Variants in GCNT2 observed in about 807,000 individuals in gnomAD.
GCNT2 encodes N-acetyllactosaminide beta-1,6-N-acetylglucosaminyl-transferase.
A neutral mutation model predicts 34.2 loss-of-function variants in GCNT2; 34 were observed. The observed-to-expected ratio is 1.00, with a 90% CI of 0.76 to 1.32. The LOEUF (loss-of-function observed/expected upper bound fraction) is 1.32. GCNT2 is among the 40% of genes most tolerant of loss of function. The pLI is 0.00. For synonymous variants in GCNT2, 212 were observed against 188.0 expected (o/e 1.13, Z -1.04); for missense variants, 584 against 489.4 (o/e 1.19, Z -1.82).
intron 3 of GCNT2, among the ~76,000 whole-genome samples, chr6:10,546,398 A>C (rs150831896): frequency 0.028 from 4,213 of 152,164 alleles, 92 homozygotes; most frequent in African/African-American, 0.061. Flanking sequence ...GTGGCTGATG[A>C]CTGTAATCCC....
chr6:10,593,456 G>C lies in GCNT2; in HGVS notation c.926-27895G>C, dbSNP rs11752537. ...GGGCTCAAGTAATCCTCCTGCCTCA[G>C]GCTGCCAAGTAGCAAGGACTACAGG... On this transcript the variant is annotated intron_variant, in intron 3 of 4. Coordinates refer to ENST00000495262, the MANE Select transcript of GCNT2 (RefSeq NM_145649.5). Among the ~76,000 whole-genome samples the C allele has an allele frequency of 4.3e-4, 65 of 152,238 alleles. 2 individuals carry two copies. In the South Asian group the frequency reaches 0.013, roughly 30 times the overall value.
intron 3 of GCNT2, among the ~76,000 whole-genome samples, chr6:10,596,373 T>G (rs6456563): frequency 0.59 from 89,337 of 151,476 alleles, 27,247 homozygotes; most frequent in African/African-American, 0.75. Flanking sequence ...ATACAAAAAG[T>G]AGCCAGGCGT....
Position 10,563,770 on chromosome 6 carries a change from AAAAAAAAATATATAT to A in GCNT2, c.925+33936_925+33950del, listed in dbSNP as rs1225623856. ...AAAAGAAAAAAGAAAAAAAAAAAAA[AAAAAAAAATATATAT>A]ATATATATATATATATATATATATG... On this transcript the variant is annotated intron_variant, in intron 3 of 4. Transcript: ENST00000495262. 2.7e-3 allele frequency among the ~76,000 whole-genome samples: 206 copies of A among 75,314 alleles called. 1 individual carries two copies. Among genetic ancestry groups the A allele is most frequent in the African/African-American group, 0.011 (185 of 16,514 alleles). The allele number at this position is 75,314 out of a possible 152,430, so 49.4% of individuals were successfully genotyped here.
intron 3 of GCNT2, among the ~76,000 whole-genome samples, chr6:10,546,573 T>C (rs587645): frequency 0.42 from 64,530 of 151,934 alleles, 15,076 homozygotes; most frequent in African/African-American, 0.64. Flanking sequence ...GCAGGATAAT[T>C]GCTTGAACCC....
chr6:10,529,981 A>C (rs1761405906), intron 3 of GCNT2, 145 bp downstream of exon 3: 4 of 686,270 alleles, frequency 5.8e-6, no homozygotes, highest in Non-Finnish European at 1.0e-5. Flanking sequence ...TCATCTGTAA[A>C]ATGGTAAAAT....
At chr6:10,528,603 C>T (rs1373616462) in intron 2 of GCNT2, 28 bp from the exon 3 acceptor site, 30 of 424,360 alleles carry the variant, frequency 7.1e-5, no homozygotes, top group East Asian at 1.0e-4. Context: ...GAATCAGAAC[C>T]TCTCTGAGGA....
chr6:10,529,234 G>A lies in GCNT2; in HGVS notation c.323G>A (p.Gly108Asp). 2 of 1,614,150 alleles carry A rather than the reference G, an allele frequency of 1.2e-6. No homozygotes were observed. The highest frequency in any genetic ancestry group is 1.7e-6 in the Non-Finnish European group (2 of 1,180,010). The stretch of plus-strand genomic sequence containing the variant: ...ACAGTGACCATCCACAAAGACTTCG[G>A]CACTTTTGAGAGGCTCTTCAGGGCG... ...AYTVTIHKDF[G>D]TFERLFRAIY... Residue 108 changes from glycine (G) to aspartate (D), a missense_variant, in exon 3 of 5, where the codon GGC becomes GAC. Coordinates refer to ENST00000495262, the MANE Select transcript of GCNT2 (RefSeq NM_145649.5).
intron 3 of GCNT2, among the ~76,000 whole-genome samples, chr6:10,533,463 A>C (rs1016579137): frequency 8.6e-5 from 13 of 151,872 alleles, no homozygotes; most frequent in Middle Eastern, 3.4e-3. Context: ...CATTAAAAGA[A>C]GTAAAAAGAA....
Position 10,556,582 on chromosome 6 carries a change from T to C in GCNT2, c.925+26746T>C, listed in dbSNP as rs761848534. Reference sequence around the variant, plus strand: ...CTCAAGTTTGCACATCTTTTATCAATGGAAAAACACGTTTCCTGTGGAAAA... The same window carrying C: ...CTCAAGTTTGCACATCTTTTATCAACGGAAAAACACGTTTCCTGTGGAAAA... On this transcript the variant is annotated intron_variant, in intron 3 of 4. Transcript: ENST00000495262. 5 of 1,614,056 alleles carry C rather than the reference T, an allele frequency of 3.1e-6. No individual in the cohort carries two copies. In the East Asian group the frequency reaches 6.7e-5, roughly 22 times the overall value.
intron 3 of GCNT2, among the ~76,000 whole-genome samples, chr6:10,607,445 C>T (rs1285017778): frequency 1.3e-5 from 2 of 152,128 alleles, no homozygotes. Flanking sequence ...GCTAGGAGGA[C>T]GGTGCTAAAC....
chr6:10,569,824 T>TCTTCCTTCCTTC (rs70991027), intron 3 of GCNT2, among the ~76,000 whole-genome samples: 24 of 149,176 alleles, frequency 1.6e-4, no homozygotes, highest in African/African-American at 4.0e-4. Context: ...CATATGGATT[T>TCTTCCTTCCTTC]CTTCCTTCCT....
intron 3 of GCNT2, among the ~76,000 whole-genome samples, chr6:10,541,203 T>G (rs1381967146): frequency 1.3e-5 from 2 of 152,144 alleles, no homozygotes; most frequent in Non-Finnish European, 2.9e-5. Context: ...TATGTGTTGT[T>G]CCCTTGCATG....
chr6:10,603,887 G>GT, intron 3 of GCNT2, among the ~76,000 whole-genome samples: 1 of 135,474 alleles, frequency 7.4e-6, no homozygotes, highest in African/African-American at 2.9e-5. Context: ...TTTTTGGTTT[G>GT]TTGTTTGTTT....
At chr6:10,621,566 T>C (rs768215186) in intron 4 of GCNT2, 123 bp downstream of exon 4, 5 of 718,054 alleles carry the variant, frequency 7.0e-6, no homozygotes, top group East Asian at 5.4e-5. Flanking sequence ...CTGTTAGTTA[T>C]TGGAGAAGCC....
At chr6:10,566,861 A>G (rs188880854) in intron 3 of GCNT2, among the ~76,000 whole-genome samples, 237 of 152,352 alleles carry the variant, frequency 1.6e-3, no homozygotes, top group African/African-American at 5.1e-3. Flanking sequence ...ATTTTACCCA[A>G]TGAGTGGGGT....
intron 3 of GCNT2, among the ~76,000 whole-genome samples, chr6:10,555,287 G>A (rs552983884): frequency 6.6e-6 from 1 of 152,202 alleles, no homozygotes; most frequent in South Asian, 2.1e-4. Flanking sequence ...TTAGTTGGTG[G>A]GAAAGTGGAA....
chr6:10,547,687 C>T (rs1762328042), intron 3 of GCNT2, among the ~76,000 whole-genome samples: 1 of 152,148 alleles, frequency 6.6e-6, no homozygotes, highest in South Asian at 2.1e-4. Flanking sequence ...TCCAGTTTTG[C>T]CATTCATTGG....
intron 3 of GCNT2, among the ~76,000 whole-genome samples, chr6:10,576,567 A>G (rs571915546): frequency 2.0e-4 from 30 of 152,308 alleles, no homozygotes; most frequent in African/African-American, 7.0e-4. Flanking sequence ...TTCAGGATCC[A>G]GAGGAAGAAG....
rs567982328 is a variant in GCNT2, at chr6:10,533,617, A to G, written c.925+3781A>G. Among the ~76,000 whole-genome samples, 49 of 151,294 alleles carry G rather than the reference A, an allele frequency of 3.2e-4. No homozygotes were observed. In the East Asian group the frequency reaches 9.0e-3, roughly 28 times the overall value. On this transcript the variant is annotated intron_variant, in intron 3 of 4. Transcript: ENST00000495262. The stretch of plus-strand genomic sequence containing the variant: ...AGCCTGGCCAACATGGTGAAACCCC[A>G]ACTCTACTAAAAATACAAAAAACTA...
Sources: gnomAD v4.1 joint callset for allele counts (sites outside exome capture counted in the v4.1 genomes callset) on GRCh38, gnomAD v4.1.1 for gene constraint, MANE v1.5 for transcripts, NCBI Gene and HGNC (gene_info 2026-07-23, HGNC 2026-07-21) for gene names.